The following ZNF235 variants were observed in gnomAD, a reference collection of about 807,000 sequenced individuals.
ZNF235 encodes zinc finger protein 235.
A neutral mutation model predicts 29.4 loss-of-function variants in ZNF235; 25 were observed. The ratio of observed to expected loss-of-function variants is 0.85; its 90% CI spans 0.62 to 1.19. The LOEUF (loss-of-function observed/expected upper bound fraction) is 1.19, where lower values mean the gene tolerates loss of function less well. Among genes scored for constraint, ZNF235 ranks in the 50% most tolerant of loss-of-function variants. ZNF235 has a pLI of 0.00. For missense variants in ZNF235, 788 were observed against 885.0 expected (o/e 0.89, Z 1.39); for synonymous variants, 300 against 295.3 (o/e 1.02, Z -0.16).
chr19:44,304,686 G>C (rs554869207), intron 1 of ZNF235: 4 of 978,544 alleles, frequency 4.1e-6, no homozygotes, highest in Non-Finnish European at 4.9e-6. Flanking sequence ...GACAAGGAGA[G>C]ATTAAGTAAC....
intron 4 of ZNF235, among the ~76,000 whole-genome samples, chr19:44,295,676 C>A (rs112455654): frequency 6.6e-6 from 1 of 152,116 alleles, no homozygotes; most frequent in African/African-American, 2.4e-5. Context: ...CATTACATTA[C>A]CTGACTTCAA....
chr19:44,290,438 G>A (rs1208025493), intron 4 of ZNF235: 2 of 148,890 alleles, frequency 1.3e-5, no homozygotes, highest in Non-Finnish European at 2.9e-5. Flanking sequence ...AAGGCCCACA[G>A]TTTTGTTTTG....
Position 44,289,905 on chromosome 19 carries a change from T to G in ZNF235, c.239-709A>C, listed in dbSNP as rs539478322. 2.0e-5 allele frequency: 3 copies of G among 152,270 alleles called. No homozygotes were observed. The South Asian group carries it at 6.2e-4, about 32-fold the overall frequency. 9.4% of individuals were successfully genotyped at this position (152,270 alleles called of 1,614,324 possible). A position where few individuals can be genotyped will look rare whatever the true frequency, so the allele number is the denominator to read the frequency against. On this transcript the variant is annotated intron_variant, in intron 4 of 4. Transcript: ENST00000291182. The stretch of plus-strand genomic sequence containing the variant: ...AAAATAACTGATAGACAAATCCATA[T>G]TTATAGCTGGAGATTTCAATACCCC...
intron 3 of ZNF235, 117 bp from the exon 4 acceptor site, chr19:44,299,020 A>AT (rs907095707): frequency 5.2e-4 from 327 of 627,330 alleles, no homozygotes; most frequent in South Asian, 8.1e-4. Context: ...TTTAGGGAAC[A>AT]TTTTTTTTTG....
intron 4 of ZNF235, among the ~76,000 whole-genome samples, chr19:44,292,438 G>A (rs182869254): frequency 6.0e-4 from 91 of 150,992 alleles, no homozygotes; most frequent in African/African-American, 2.0e-3. Flanking sequence ...AATCATTGAA[G>A]AAATTACAAA....
chr19:44,295,327 C>T (rs1270651298), intron 4 of ZNF235, among the ~76,000 whole-genome samples: 1 of 151,846 alleles, frequency 6.6e-6, no homozygotes, highest in African/African-American at 2.4e-5. Flanking sequence ...ATCAAGAACA[C>T]AATCCAATTT....
At position 44,294,237 on chromosome 19, in the gene ZNF235, T is replaced by C. The variant is rs905110146; in HGVS notation, c.238+4571A>G. ...GAATGAGACATTACAACTAATACCA[T>C]AGAAATAAAAAACATGATCAGACAC... On this transcript the variant is annotated intron_variant, in intron 4 of 4. Transcript: ENST00000291182. Among the ~76,000 whole-genome samples, 9 of 151,952 alleles carry C rather than the reference T, an allele frequency of 5.9e-5. No homozygotes were observed. The East Asian group carries it at 7.7e-4, about 13-fold the overall frequency.
At chr19:44,301,537 C>T (rs879453064) in intron 2 of ZNF235, among the ~76,000 whole-genome samples, 3 of 151,472 alleles carry the variant, frequency 2.0e-5, no homozygotes, top group Non-Finnish European at 4.4e-5. Flanking sequence ...GTGGTGTGAT[C>T]TTGGCTCACT....
intron 4 of ZNF235, chr19:44,290,765 A>G (rs1187255031): frequency 6.4e-6 from 1 of 156,410 alleles, no homozygotes; most frequent in Non-Finnish European, 1.4e-5. Context: ...CTATTATGAC[A>G]ACTCTGGGAA....
chr19:44,296,015 G>T (rs1430460555), intron 4 of ZNF235, among the ~76,000 whole-genome samples: 1 of 152,106 alleles, frequency 6.6e-6, no homozygotes, highest in South Asian at 2.1e-4. Context: ...ACCACAGGAG[G>T]CAACCTGAAA....
intron 4 of ZNF235, among the ~76,000 whole-genome samples, chr19:44,298,010 T>A (rs1378017764): frequency 6.6e-6 from 1 of 151,970 alleles, no homozygotes; most frequent in South Asian, 2.1e-4. Context: ...TTCCAGCTAC[T>A]CAGAAGGCTG....
rs777164643 is a variant in ZNF235, at chr19:44,287,467, T to C, written c.1968A>G (p.Lys656=). ...QIIHTGEKPF[K]CEECGKEFSW... Reference sequence around the variant, plus strand: ...TGAATTCTTTCCCACATTCCTCACATTTAAATGGTTTCTCTCCAGTGTGAA... The same window carrying C: ...TGAATTCTTTCCCACATTCCTCACACTTAAATGGTTTCTCTCCAGTGTGAA... The change falls in exon 5 of 5, where the codon AAA becomes AAG. Residue 656 remains lysine (K), a synonymous_variant. Coordinates refer to ENST00000291182, the MANE Select transcript of ZNF235 (RefSeq NM_004234.4). The C allele has an allele frequency of 2.5e-6, 4 of 1,614,104 alleles. No homozygotes were observed. In the Admixed American group the frequency reaches 6.7e-5, roughly 27 times the overall value.
intron 4 of ZNF235, among the ~76,000 whole-genome samples, chr19:44,295,099 G>A (rs1975636401): frequency 6.6e-6 from 1 of 152,050 alleles, no homozygotes; most frequent in Non-Finnish European, 1.5e-5. Context: ...AATCAGGCAA[G>A]AGAAAGACAG....
rs780461921 is a variant in ZNF235, at chr19:44,287,500, A to C, written c.1935T>G (p.His645Gln). Residue 645 changes from histidine to glutamine, a missense_variant, in exon 5 of 5, where the codon CAT becomes CAG. By Grantham distance (24) the His-to-Gln change is conservative. Transcript: ENST00000291182. ...AFSQRSNLQVHQIIHTGEKPF... is the reference protein window; with the variant it reads ...AFSQRSNLQVQQIIHTGEKPF... ...GTTTCTCTCCAGTGTGAATTATCTG[A>C]TGGACTTGAAGATTTGACCTCTGGC... is the stretch of plus-strand genomic sequence containing the variant. The C allele has an allele frequency of 7.4e-6, 12 of 1,614,024 alleles. No individual in the cohort carries two copies. The highest frequency in any genetic ancestry group is 9.3e-6 in the Non-Finnish European group (11 of 1,179,996).
intron 4 of ZNF235, 112 bp from the exon 5 acceptor site, chr19:44,289,308 A>C (rs1975553143): frequency 1.1e-6 from 1 of 935,198 alleles, no homozygotes; most frequent in African/African-American, 1.7e-5. Flanking sequence ...AAAAACAACT[A>C]GACTGGCTGA....
chr19:44,302,100 G>A (rs1975746496), intron 2 of ZNF235, among the ~76,000 whole-genome samples: 1 of 152,170 alleles, frequency 6.6e-6, no homozygotes, highest in Non-Finnish European at 1.5e-5. Context: ...CTTTCTCTGA[G>A]TTTGGCATCA....
intron 4 of ZNF235, among the ~76,000 whole-genome samples, chr19:44,297,948 G>A (rs563173967): frequency 2.0e-5 from 3 of 151,964 alleles, no homozygotes; most frequent in South Asian, 4.2e-4. Flanking sequence ...GGGAAACCTC[G>A]TCTGTACAAA....
intron 2 of ZNF235, among the ~76,000 whole-genome samples, chr19:44,303,013 TA>T (rs1975772576): frequency 1.5e-5 from 2 of 137,536 alleles, no homozygotes; most frequent in East Asian, 4.0e-4. Flanking sequence ...TATACGTATA[TA>T]TTTATATAAA....
Position 44,287,157 on chromosome 19 carries a change from G to T in ZNF235, c.*61C>A. 6.7e-7 allele frequency: 1 copy of T among 1,482,804 alleles called. No homozygotes were observed. The highest frequency in any genetic ancestry group is 9.0e-7 in the Non-Finnish European group (1 of 1,109,038). The allele number at this position is 1,482,804 out of a possible 1,614,324, so 91.9% of individuals were successfully genotyped here. A position where few individuals can be genotyped will look rare whatever the true frequency, so the allele number is the denominator to read the frequency against. On this transcript the variant is annotated 3_prime_UTR_variant, in exon 5 of 5. Transcript: ENST00000291182. ...GGAACTTTTCACAATCATCAGCATG[G>T]ACTTCCCAACGGAGACAAAGATGTG...
Sources: gnomAD v4.1 joint callset for allele counts (sites outside exome capture counted in the v4.1 genomes callset) on GRCh38, gnomAD v4.1.1 for gene constraint, MANE v1.5 for transcripts, NCBI Gene and HGNC (gene_info 2026-07-23, HGNC 2026-07-21) for gene names.